The following COL4A5 variants were observed in gnomAD, a reference collection of about 807,000 sequenced individuals.
COL4A5 encodes collagen alpha-5(IV) chain.
Under a neutral mutation model 130.2 loss-of-function variants are expected in COL4A5, and 26 were observed. The observed-to-expected ratio is 0.20, with a 90% CI of 0.15 to 0.28. The LOEUF (loss-of-function observed/expected upper bound fraction) is 0.28, where lower values mean the gene tolerates loss of function less well. Among genes scored for constraint, COL4A5 ranks in the 10% least tolerant of loss-of-function variants. COL4A5 has a pLI of 1.00. For missense variants in COL4A5, 1,131 were observed against 1,344.3 expected, an observed-to-expected ratio of 0.84 and a Z score of 2.48; for synonymous variants, 496 against 439.6, an observed-to-expected ratio of 1.13 and a Z score of -1.60.
At chrX:108,557,265 T>C (rs1161250927) in intron 2 of COL4A5, among the ~76,000 whole-genome samples, 1 of 111,588 alleles carries the variant, frequency 9.0e-6, no homozygotes, top group African/African-American at 3.3e-5. Context: ...GCTCTGCCAG[T>C]AATAATTTGA....
At chrX:108,450,709 G>C (rs911532385) in intron 1 of COL4A5, among the ~76,000 whole-genome samples, 4 of 111,241 alleles carry the variant, frequency 3.6e-5, no homozygotes, top group African/African-American at 1.3e-4. Flanking sequence ...GCATAGGTCA[G>C]TGAACTAATG....
chrX:108,562,101 C>A (rs1180602691), intron 3 of COL4A5, among the ~76,000 whole-genome samples: 1 of 111,824 alleles, frequency 8.9e-6, no homozygotes, highest in Non-Finnish European at 1.9e-5. Context: ...TGAGCAGTAA[C>A]TTGGCAGCAA....
intron 1 of COL4A5, among the ~76,000 whole-genome samples, chrX:108,446,413 A>C (rs1275776444): frequency 8.9e-6 from 1 of 111,928 alleles, no homozygotes; most frequent in Non-Finnish European, 1.9e-5. Context: ...TTCTTATTCC[A>C]TATTTTTATT....
rs1407970012 is a variant in COL4A5 at position 108,625,729 on chromosome X, C to G, written c.3041C>G (p.Pro1014Arg). The part of the protein sequence containing the change: ...PPGPKGNPGL[P>R]GQPGLIGPPG... ...GGTCCCAAAGGTAACCCTGGTCTCC[C>G]TGGACAGCCAGGTCTTATAGGACCT... is the stretch of plus-strand genomic sequence containing the variant. The change falls in exon 35 of 53, where the codon CCT (proline) becomes CGT (arginine). Residue 1014 changes from proline (P) to arginine (R), a missense_variant. Coordinates refer to ENST00000328300, the MANE Select transcript of COL4A5 (RefSeq NM_033380.3). 2.0e-5 allele frequency: 24 copies of G among 1,207,038 alleles called. No individual in the cohort carries two copies. The highest frequency in any genetic ancestry group is 2.6e-5 in the Non-Finnish European group (23 of 891,285).
intron 1 of COL4A5, among the ~76,000 whole-genome samples, chrX:108,497,821 G>A (rs1387794411): frequency 9.0e-6 from 1 of 111,077 alleles, no homozygotes; most frequent in Admixed American, 9.6e-5. Context: ...GCAAGTTTAG[G>A]AGTAACATCT....
intron 37 of COL4A5, among the ~76,000 whole-genome samples, chrX:108,656,930 G>A (rs1466126391): frequency 9.0e-6 from 1 of 110,604 alleles, no homozygotes; most frequent in Non-Finnish European, 1.9e-5. Flanking sequence ...TACATATATT[G>A]CAAATCTATT....
intron 1 of COL4A5, among the ~76,000 whole-genome samples, chrX:108,528,904 A>G (rs1236123512): frequency 7.1e-5 from 8 of 112,303 alleles, no homozygotes. Flanking sequence ...TTTAAAGAAT[A>G]GGTGAAAACT....
At chrX:108,646,129 G>A (rs2067580674) in intron 36 of COL4A5, among the ~76,000 whole-genome samples, 1 of 110,295 alleles carries the variant, frequency 9.1e-6, no homozygotes, top group Non-Finnish European at 1.9e-5. Flanking sequence ...GGTATTTCTA[G>A]TTCTAGAACC....
intron 47 of COL4A5, 100 bp downstream of exon 47, chrX:108,681,988 T>C: frequency 1.2e-6 from 1 of 836,884 alleles, no homozygotes; most frequent in African/African-American, 2.0e-5. Flanking sequence ...ACACTTGCCA[T>C]GGTGGTTTGC....
At chrX:108,549,278 C>G (rs752389324) in intron 2 of COL4A5, among the ~76,000 whole-genome samples, 1 of 111,388 alleles carries the variant, frequency 9.0e-6, no homozygotes, top group African/African-American at 3.2e-5. Flanking sequence ...TAAAAAGAGC[C>G]CAACATCAAA....
Position 108,662,940 on chromosome X carries a change from C to T in COL4A5, c.3374-2567C>T, listed in dbSNP as rs775056631. On this transcript the variant is annotated intron_variant, in intron 37 of 52. Coordinates refer to ENST00000328300, the MANE Select transcript of COL4A5 (RefSeq NM_033380.3). ...AAAAAGAACAAAGCTGGTTGCATCA[C>T]GCTACCTAACTTCAAACTATACTAC... Among the ~76,000 whole-genome samples the T allele has an allele frequency of 2.7e-5, 3 of 112,154 alleles. No individual in the cohort carries two copies. In the South Asian group the frequency reaches 1.1e-3, roughly 42 times the overall value.
At chrX:108,603,409 CT>C (rs1409041516) in intron 28 of COL4A5, among the ~76,000 whole-genome samples, 1 of 111,286 alleles carries the variant, frequency 9.0e-6, no homozygotes, top group Non-Finnish European at 1.9e-5. Context: ...AATCACACAA[CT>C]TTTTTTGTTT....
intron 43 of COL4A5, 106 bp downstream of exon 43, chrX:108,674,859 G>T: frequency 1.3e-6 from 1 of 775,502 alleles, no homozygotes; most frequent in Non-Finnish European, 1.8e-6. Flanking sequence ...TCATTGGAGA[G>T]TGCTGTTATC....
chrX:108,500,133 T>C (rs1019792801), intron 1 of COL4A5, among the ~76,000 whole-genome samples: 3 of 112,123 alleles, frequency 2.7e-5, no homozygotes, highest in African/African-American at 9.7e-5. Context: ...CTGTTTTCAT[T>C]CTTGAGAATT....
chrX:108,496,250 A>G (rs1182544112), intron 1 of COL4A5, among the ~76,000 whole-genome samples: 1 of 111,746 alleles, frequency 8.9e-6, no homozygotes, highest in East Asian at 2.8e-4. Flanking sequence ...CATTTTTGAC[A>G]TGTTATGTTT....
At chrX:108,597,773 T>C (rs1177806698) in intron 24 of COL4A5, among the ~76,000 whole-genome samples, 4 of 111,822 alleles carry the variant, frequency 3.6e-5, no homozygotes, top group Non-Finnish European at 1.9e-5. Context: ...TGTAAACTTA[T>C]TTTTCTTAAC....
At chrX:108,647,895 G>A (rs763059629) in intron 36 of COL4A5, among the ~76,000 whole-genome samples, 17 of 111,641 alleles carry the variant, frequency 1.5e-4, no homozygotes, top group East Asian at 8.4e-4. Context: ...ATTGATTTGC[G>A]AATGTTGAAC....
At chrX:108,461,489 T>C (rs184582823) in intron 1 of COL4A5, among the ~76,000 whole-genome samples, 2 of 112,477 alleles carry the variant, frequency 1.8e-5, no homozygotes, top group African/African-American at 6.4e-5. Flanking sequence ...TGAAAATGTT[T>C]AGAGGTAACA....
chrX:108,634,592 G>A (rs370510116), intron 36 of COL4A5, among the ~76,000 whole-genome samples: 2 of 111,662 alleles, frequency 1.8e-5, no homozygotes, highest in South Asian at 7.4e-4. Context: ...TAAGTTATAC[G>A]AGAAGAAGGG....
Sources: allele counts gnomAD v4.1 joint callset (sites outside exome capture counted in the v4.1 genomes callset), GRCh38; gene constraint gnomAD v4.1.1; transcripts MANE v1.5; gene names NCBI Gene and HGNC (gene_info 2026-07-23, HGNC 2026-07-21).